LRRC38: variants seen among roughly 807,000 people sequenced by gnomAD.
LRRC38 encodes leucine-rich repeat-containing protein 38.
A neutral mutation model predicts 16.4 loss-of-function variants in LRRC38; 5 were observed. The ratio of observed to expected loss-of-function variants is 0.31; its 90% CI spans 0.16 to 0.64. The LOEUF (loss-of-function observed/expected upper bound fraction) is 0.64, where lower values mean the gene tolerates loss of function less well. LRRC38 is among the 30% of genes least tolerant of loss of function. The pLI, the probability that LRRC38 is intolerant of heterozygous loss-of-function variation, is 0.80. For missense variants in LRRC38, 341 were observed against 401.8 expected (o/e 0.85, Z 1.29); for synonymous variants, 191 against 190.2 (o/e 1.00, Z -0.04).
intron 1 of LRRC38, among the ~76,000 whole-genome samples, chr1:13,488,783 G>A (rs950217186): frequency 2.0e-5 from 3 of 152,106 alleles, no homozygotes; most frequent in African/African-American, 4.8e-5. Flanking sequence ...ATTTGGATGT[G>A]TCCTTCTGTG....
chr1:13,481,414 T>A (rs762834368), intron 1 of LRRC38, among the ~76,000 whole-genome samples: 4 of 150,184 alleles, frequency 2.7e-5, no homozygotes, highest in Non-Finnish European at 5.9e-5. Flanking sequence ...TTTTTTGAGA[T>A]GGAGTCTCGC....
intron 1 of LRRC38, among the ~76,000 whole-genome samples, chr1:13,478,845 C>G (rs955743803): frequency 2.6e-5 from 4 of 152,086 alleles, no homozygotes; most frequent in African/African-American, 9.7e-5. Flanking sequence ...TCCTTCTGTC[C>G]TGCCCCATCT....
chr1:13,478,862 T>C (rs1638818601), intron 1 of LRRC38, among the ~76,000 whole-genome samples: 1 of 152,166 alleles, frequency 6.6e-6, no homozygotes, highest in East Asian at 1.9e-4. Context: ...ATCTTTTATG[T>C]AGTCTACAGC....
At chr1:13,485,571 A>C (rs1489271552) in intron 1 of LRRC38, among the ~76,000 whole-genome samples, 1 of 152,068 alleles carries the variant, frequency 6.6e-6, no homozygotes, top group Non-Finnish European at 1.5e-5. Flanking sequence ...ATCTCAAAAA[A>C]AAAAAAGAAG....
chr1:13,493,323 G>C (rs887708395), intron 1 of LRRC38, among the ~76,000 whole-genome samples: 1 of 152,068 alleles, frequency 6.6e-6, no homozygotes, highest in Non-Finnish European at 1.5e-5. Context: ...AAGTGACCTC[G>C]GGGTGGGGCC....
intron 1 of LRRC38, among the ~76,000 whole-genome samples, chr1:13,494,955 A>G (rs987547448): frequency 6.6e-6 from 1 of 152,218 alleles, no homozygotes; most frequent in Admixed American, 6.5e-5. Context: ...GGTTTCTGCT[A>G]ACATGTTCAG....
Position 13,513,157 on chromosome 1 carries a change from T to A in LRRC38, c.437A>T (p.Asp146Val), listed in dbSNP as rs1342673744. 30 of 1,550,274 alleles carry A rather than the reference T, an allele frequency of 1.9e-5. No individual in the cohort carries two copies. The highest frequency in any genetic ancestry group is 2.6e-5 in the Non-Finnish European group (30 of 1,146,936). ...CAGCGACTCCAGGGTCTCGAAGGCG[T>A]CCTCGTGCACGCCCACCAGGTTGTT... ...ANNNLVGVHEDAFETLESLQV... is the reference protein window; with the variant it reads ...ANNNLVGVHEVAFETLESLQV... The change falls in exon 1 of 2, where the codon GAC (aspartate) becomes GTC (valine). Residue 146 changes from aspartate to valine, a missense_variant. Coordinates refer to ENST00000376085, the MANE Select transcript of LRRC38 (RefSeq NM_001010847.2).
rs147022383 is a variant in LRRC38, at chr1:13,475,352, C to T, written c.*494G>A. On this transcript the variant is annotated 3_prime_UTR_variant, in exon 2 of 2. Coordinates refer to ENST00000376085, the MANE Select transcript of LRRC38 (RefSeq NM_001010847.2). The surrounding 1 kb of genome is among the most constrained non-coding windows in gnomAD (Gnocchi z 4.3). Reference sequence around the variant, plus strand: ...TATAACATCCCAAGGTTGCTGAGGCCTATTATATAAGGATCAAAGTTCTCG... The same window carrying T: ...TATAACATCCCAAGGTTGCTGAGGCTTATTATATAAGGATCAAAGTTCTCG... 446 of 156,894 alleles carry T rather than the reference C, an allele frequency of 2.8e-3. 3 individuals are homozygous for T. The highest frequency in any genetic ancestry group is 0.01 in the African/African-American group (423 of 41,602). The allele number at this position is 156,894 out of a possible 1,614,324, so 9.7% of individuals were successfully genotyped here.
In LRRC38 at chr1:13,486,588, C is replaced by CTT. The variant is rs34927682; in HGVS notation, c.632-10491_632-10490dup. Among the ~76,000 whole-genome samples the CTT allele has an allele frequency of 1.5e-3, 187 of 127,634 alleles. 2 individuals carry two copies. Among genetic ancestry groups the CTT allele is most frequent in the African/African-American group, 4.7e-3 (146 of 31,232 alleles). The allele number at this position is 127,634 out of a possible 152,430, so 83.7% of individuals were successfully genotyped here. On this transcript the variant is annotated intron_variant, in intron 1 of 1. Transcript: ENST00000376085. Reference sequence around the variant, plus strand: ...ACCCATTAAATATGTCTTGGTGTACCTTTTTTTTTTTTTTTTTTTTGAGAC... The same window carrying CTT: ...ACCCATTAAATATGTCTTGGTGTACCTTTTTTTTTTTTTTTTTTTTTTGAGAC...
intron 1 of LRRC38, among the ~76,000 whole-genome samples, chr1:13,503,770 C>G (rs936912077): frequency 2.6e-5 from 4 of 152,166 alleles, no homozygotes; most frequent in Non-Finnish European, 5.9e-5. Context: ...AATGTTGGAG[C>G]CCGGATTGGG....
chr1:13,481,809 C>G (rs1421557059), intron 1 of LRRC38, among the ~76,000 whole-genome samples: 1 of 147,240 alleles, frequency 6.8e-6, no homozygotes, highest in Non-Finnish European at 1.5e-5. Context: ...CTCTCTCTCT[C>G]TCTCTCTCTC....
In LRRC38 at chr1:13,481,686, T is replaced by C. The variant is rs141816298; in HGVS notation, c.632-5587A>G. 2.2e-3 allele frequency among the ~76,000 whole-genome samples: 340 copies of C among 152,168 alleles called. 4 individuals are homozygous for C. The highest frequency in any genetic ancestry group is 7.5e-3 in the East Asian group (39 of 5,168). Reference sequence around the variant, plus strand: ...CTGGGATTACAGGCATGAGTCACCGTGCCCGGCCAATGTGTTCTTAGAAGA... The same window carrying C: ...CTGGGATTACAGGCATGAGTCACCGCGCCCGGCCAATGTGTTCTTAGAAGA... On this transcript the variant is annotated intron_variant, in intron 1 of 1. Coordinates refer to ENST00000376085, the MANE Select transcript of LRRC38 (RefSeq NM_001010847.2).
At chr1:13,486,722 C>G (rs1255811049) in intron 1 of LRRC38, among the ~76,000 whole-genome samples, 1 of 151,672 alleles carries the variant, frequency 6.6e-6, no homozygotes, top group African/African-American at 2.4e-5. Context: ...TCTCAAGTAA[C>G]TGGGGTTACA....
intron 1 of LRRC38, among the ~76,000 whole-genome samples, chr1:13,479,870 C>T (rs1638830400): frequency 6.6e-6 from 1 of 152,244 alleles, no homozygotes; most frequent in Non-Finnish European, 1.5e-5. Flanking sequence ...CCAGGGTCCC[C>T]TCTTCTCTCC....
intron 1 of LRRC38, among the ~76,000 whole-genome samples, chr1:13,478,446 A>G (rs748532597): frequency 3.3e-5 from 5 of 152,214 alleles, no homozygotes; most frequent in Non-Finnish European, 7.3e-5. Context: ...CCATTTGGCT[A>G]TGGAAGCTTA....
intron 1 of LRRC38, 93 bp from the exon 2 acceptor site, chr1:13,476,192 G>A: frequency 8.3e-7 from 1 of 1,203,260 alleles, no homozygotes; most frequent in South Asian, 1.5e-5. Flanking sequence ...AGCCAGCAAT[G>A]TGCAAGCATC....
intron 1 of LRRC38, among the ~76,000 whole-genome samples, chr1:13,503,999 A>G (rs1181661039): frequency 6.6e-6 from 1 of 152,222 alleles, no homozygotes; most frequent in Non-Finnish European, 1.5e-5. Flanking sequence ...GCGCTGTCTC[A>G]GATACTGCTG....
At chr1:13,484,688 C>T (rs1270868339) in intron 1 of LRRC38, among the ~76,000 whole-genome samples, 1 of 152,214 alleles carries the variant, frequency 6.6e-6, no homozygotes, top group East Asian at 1.9e-4. Context: ...GAGGTGGAAA[C>T]TCTCATTGAT....
At chr1:13,482,908 C>G (rs74056239) in intron 1 of LRRC38, among the ~76,000 whole-genome samples, 2,355 of 152,288 alleles carry the variant, frequency 0.015, 74 homozygotes, top group African/African-American at 0.054. Context: ...GAAGGCCACT[C>G]TAAGTATCCC....
Sources: allele counts gnomAD v4.1 joint callset (sites outside exome capture counted in the v4.1 genomes callset), GRCh38; gene constraint gnomAD v4.1.1; non-coding constraint Gnocchi (gnomAD v3.1); transcripts MANE v1.5; gene names NCBI Gene and HGNC (gene_info 2026-07-23, HGNC 2026-07-21).